Variants in ENOX2 observed in about 807,000 individuals in gnomAD.
The protein encoded by ENOX2 is APK1 antigen.
Under a neutral mutation model 45.0 loss-of-function variants are expected in ENOX2, and 36 were observed. That is an observed-to-expected ratio of 0.80 (90% CI 0.61 to 1.06). ENOX2 has a LOEUF of 1.06. ENOX2 is among the 50% of genes least tolerant of loss of function. The probability of loss-of-function intolerance (pLI) is 0.00; values close to 1 mark genes in which losing one functional copy is unlikely to be tolerated. For missense variants in ENOX2, 423 were observed against 462.5 expected, an observed-to-expected ratio of 0.91 and a Z score of 0.78; for synonymous variants, 174 against 152.3, an observed-to-expected ratio of 1.14 and a Z score of -1.05.
At chrX:130,868,977 A>C (rs2078530915) in intron 2 of ENOX2, among the ~76,000 whole-genome samples, 1 of 111,951 alleles carries the variant, frequency 8.9e-6, no homozygotes, top group Non-Finnish European at 1.9e-5. Context: ...ATAATACAAT[A>C]GGGTATTGCA....
chrX:130,754,146 T>C (rs1171850075), intron 3 of ENOX2, among the ~76,000 whole-genome samples: 1 of 111,932 alleles, frequency 8.9e-6, no homozygotes, highest in African/African-American at 3.2e-5. Flanking sequence ...TGGCTCAAAA[T>C]ATCAATCTGC....
chrX:130,750,237 G>GT (rs2039187133), intron 3 of ENOX2, among the ~76,000 whole-genome samples: 1 of 111,631 alleles, frequency 9.0e-6, no homozygotes, highest in Non-Finnish European at 1.9e-5. Flanking sequence ...GTCTCTGTCA[G>GT]TATCTCTGCC....
chrX:130,817,011 T>C (rs1476607234), intron 2 of ENOX2, among the ~76,000 whole-genome samples: 4 of 111,628 alleles, frequency 3.6e-5, no homozygotes, highest in Admixed American at 9.5e-5. Context: ...ACAAAATAGA[T>C]AGACTACTAT....
chrX:130,719,411 C>T (rs1331088011), intron 3 of ENOX2, among the ~76,000 whole-genome samples: 1 of 106,402 alleles, frequency 9.4e-6, no homozygotes, highest in African/African-American at 3.5e-5. Context: ...AATGTTCCCA[C>T]ACGTTTCCCA....
intron 3 of ENOX2, among the ~76,000 whole-genome samples, chrX:130,756,192 T>C (rs1314484103): frequency 8.9e-6 from 1 of 112,527 alleles, no homozygotes; most frequent in Non-Finnish European, 1.9e-5. Flanking sequence ...TCTCCAATGA[T>C]GCCCATATCA....
intron 2 of ENOX2, among the ~76,000 whole-genome samples, chrX:130,816,796 C>A (rs1186836199): frequency 2.7e-5 from 3 of 111,499 alleles, no homozygotes; most frequent in Non-Finnish European, 5.7e-5. Flanking sequence ...CACTAAATAC[C>A]CACAGGAGAA....
chrX:130,884,837 C>T (rs2078875390), intron 2 of ENOX2, among the ~76,000 whole-genome samples: 1 of 111,364 alleles, frequency 9.0e-6, no homozygotes, highest in East Asian at 2.8e-4. Flanking sequence ...GGACAAAATA[C>T]TCAAATTTCA....
At chrX:130,641,057 C>G (rs940239947) in intron 10 of ENOX2, among the ~76,000 whole-genome samples, 4 of 111,801 alleles carry the variant, frequency 3.6e-5, no homozygotes, top group Non-Finnish European at 7.5e-5. Context: ...ATATTTGAAG[C>G]AATAATGACT....
chrX:130,663,642 G>A (rs937465824), intron 9 of ENOX2, among the ~76,000 whole-genome samples: 1 of 111,032 alleles, frequency 9.0e-6, no homozygotes, highest in African/African-American at 3.3e-5. Flanking sequence ...TCCTTAAAGG[G>A]TGGGGCCATT....
At chrX:130,883,538 A>C (rs1403771292) in intron 2 of ENOX2, among the ~76,000 whole-genome samples, 3 of 112,061 alleles carry the variant, frequency 2.7e-5, no homozygotes, top group African/African-American at 9.8e-5. Flanking sequence ...TCCTACATAA[A>C]TAGCATGCCT....
At chrX:130,663,828 C>T (rs1290719629) in intron 9 of ENOX2, among the ~76,000 whole-genome samples, 1 of 111,534 alleles carries the variant, frequency 9.0e-6, no homozygotes, top group African/African-American at 3.3e-5. Flanking sequence ...GTGTGAAACT[C>T]CCCTCCTCCT....
In ENOX2 at chrX:130,846,733, T is replaced by G. The variant is rs1388608111; in HGVS notation, c.-183+54951A>C. ...TATGTTCAGTTTATCAGAAGCACAT[T>G]TTCGGTACAAAGTGAGGTATCCATG... is the stretch of plus-strand genomic sequence containing the variant. On this transcript the variant is annotated intron_variant, in intron 2 of 14. Transcript: ENST00000394363. Among the ~76,000 whole-genome samples the G allele has an allele frequency of 3.5e-5, 4 of 112,884 alleles. No individual in the cohort carries two copies. In the Admixed American group the frequency reaches 3.7e-4, roughly 11 times the overall value.
intron 13 of ENOX2, 112 bp from the exon 14 acceptor site, chrX:130,628,155 C>G (rs918212657): frequency 1.9e-6 from 1 of 522,709 alleles, no homozygotes; most frequent in African/African-American, 2.3e-5. Flanking sequence ...ATACTGGACA[C>G]TATTCTAAGT....
chrX:130,880,281 C>T (rs957155462), intron 2 of ENOX2, among the ~76,000 whole-genome samples: 1 of 111,637 alleles, frequency 9.0e-6, no homozygotes, highest in Non-Finnish European at 1.9e-5. Context: ...GTCCAGCAGG[C>T]ATAGTTACTT....
intron 2 of ENOX2, among the ~76,000 whole-genome samples, chrX:130,798,922 G>C (rs887411252): frequency 1.8e-5 from 2 of 112,581 alleles, no homozygotes; most frequent in Admixed American, 9.4e-5. Flanking sequence ...TGTCACCTCA[G>C]TAATTCCATT....
chrX:130,743,523 G>T (rs1337899533), intron 3 of ENOX2, among the ~76,000 whole-genome samples: 1 of 109,570 alleles, frequency 9.1e-6, no homozygotes, highest in African/African-American at 3.3e-5. Flanking sequence ...CCAGGCAGGG[G>T]TACAGTGATG....
intron 10 of ENOX2, among the ~76,000 whole-genome samples, chrX:130,648,012 C>T (rs776960225): frequency 1.8e-5 from 2 of 110,340 alleles, no homozygotes; most frequent in African/African-American, 3.3e-5. Context: ...CAAACTCTGA[C>T]GTGAAAAAAT....
At chrX:130,769,909 A>G (rs1421397374) in intron 3 of ENOX2, among the ~76,000 whole-genome samples, 1 of 112,339 alleles carries the variant, frequency 8.9e-6, no homozygotes, top group Admixed American at 9.4e-5. Flanking sequence ...GTCCTAAATA[A>G]TATGGATAGA....
chrX:130,842,474 C>T (rs1387345566), intron 2 of ENOX2, among the ~76,000 whole-genome samples: 1 of 111,768 alleles, frequency 8.9e-6, no homozygotes, highest in African/African-American at 3.2e-5. Context: ...AGCTACTCTA[C>T]CCCCTTGGAA....
Sources: gnomAD v4.1 joint callset for allele counts (sites outside exome capture counted in the v4.1 genomes callset) on GRCh38, gnomAD v4.1.1 for gene constraint, MANE v1.5 for transcripts, NCBI Gene and HGNC (gene_info 2026-07-23, HGNC 2026-07-21) for gene names.